PLEKHM3: variants seen among roughly 807,000 people sequenced by gnomAD.
PLEKHM3 encodes pleckstrin homology domain-containing family M member 3.
PLEKHM3 carries 45 observed loss-of-function variants against 81.8 expected under a neutral mutation model. That is an observed-to-expected ratio of 0.55 (90% confidence interval 0.43 to 0.71). PLEKHM3 has a LOEUF of 0.71. Ranked by LOEUF, PLEKHM3 falls within the 30% of genes least tolerant of loss-of-function variation. The pLI is 0.00. For synonymous variants in PLEKHM3, 352 were observed against 356.4 expected (o/e 0.99, Z 0.14); for missense variants, 788 against 924.3 (o/e 0.85, Z 1.91).
At chr2:207,884,905 T>C (rs1339528299) in intron 6 of PLEKHM3, among the ~76,000 whole-genome samples, 3 of 152,174 alleles carry the variant, frequency 2.0e-5, no homozygotes, top group Non-Finnish European at 2.9e-5. Context: ...GAGTGGATCA[T>C]GAAAGACTCC....
At chr2:208,024,223 T>C (rs1693234290) in intron 1 of PLEKHM3, among the ~76,000 whole-genome samples, 1 of 151,370 alleles carries the variant, frequency 6.6e-6, no homozygotes, top group African/African-American at 2.5e-5. Context: ...ACTATTATTA[T>C]TCCCATTCTA....
At chr2:207,909,635 T>C (rs1333198901) in intron 5 of PLEKHM3, among the ~76,000 whole-genome samples, 2 of 152,172 alleles carry the variant, frequency 1.3e-5, no homozygotes, top group African/African-American at 4.8e-5. Flanking sequence ...ATTTTTTGAG[T>C]AGTCTAACAT....
chr2:207,959,173 C>T (rs1185072943), intron 3 of PLEKHM3, among the ~76,000 whole-genome samples: 3 of 152,162 alleles, frequency 2.0e-5, no homozygotes, highest in Non-Finnish European at 2.9e-5. Context: ...GTACCCAAAG[C>T]ACATGCCTCT....
At chr2:207,908,704 T>TCAGAGGGCTTAGGAG in intron 5 of PLEKHM3, 127 bp from the exon 6 acceptor site, 1 of 745,270 alleles carries the variant, frequency 1.3e-6, no homozygotes, top group Non-Finnish European at 2.2e-6. Context: ...ATACTTCTCC[T>TCAGAGGGCTTAGGAG]AAGCCCTCTG....
chr2:207,940,674 G>A (rs1296235155), intron 4 of PLEKHM3, among the ~76,000 whole-genome samples: 3 of 152,278 alleles, frequency 2.0e-5, no homozygotes, highest in East Asian at 1.9e-4. Context: ...CTTAATAAGT[G>A]CAATCCTCAA....
chr2:207,994,447 A>G (rs1324309570), intron 2 of PLEKHM3, among the ~76,000 whole-genome samples: 2 of 152,138 alleles, frequency 1.3e-5, no homozygotes, highest in Admixed American at 1.3e-4. Context: ...AGTGAAGAGC[A>G]TGTCTTTATA....
chr2:207,977,278 C>A lies in PLEKHM3; in HGVS notation c.919G>T (p.Val307Leu). 2 of 1,614,206 alleles carry A rather than the reference C, an allele frequency of 1.2e-6. No homozygotes were observed. Among genetic ancestry groups the A allele is most frequent in the Non-Finnish European group, 8.5e-7 (1 of 1,180,034 alleles). The part of the protein sequence containing the change: ...LDWGQKLWEV[V>L]HAAVPGYMGR... ...ATGTAACCGGGCACAGCAGCATGCA[C>A]TACTTCCCAAAGCTTCTGTCCCCAG... The change falls in exon 3 of 8, where the codon GTG (valine) becomes TTG (leucine). Residue 307 changes from valine (V) to leucine (L), a missense_variant. By Grantham distance (32) the Val-to-Leu change is conservative. Transcript: ENST00000427836.
chr2:207,898,527 G>A (rs1289473343), intron 6 of PLEKHM3, among the ~76,000 whole-genome samples: 1 of 152,190 alleles, frequency 6.6e-6, no homozygotes, highest in Non-Finnish European at 1.5e-5. Flanking sequence ...GCTGAGGCGG[G>A]CAAATCACTT....
chr2:207,943,225 T>A (rs1690002462), intron 4 of PLEKHM3, among the ~76,000 whole-genome samples: 1 of 152,188 alleles, frequency 6.6e-6, no homozygotes, highest in Non-Finnish European at 1.5e-5. Context: ...ATATTTGAGG[T>A]GATGGATATC....
intron 7 of PLEKHM3, among the ~76,000 whole-genome samples, chr2:207,839,433 G>A (rs2092337794): frequency 6.6e-6 from 1 of 152,108 alleles, no homozygotes; most frequent in Admixed American, 6.5e-5. Context: ...TGTAAATTTA[G>A]GAGAAAGGCA....
At chr2:207,953,465 T>C in intron 3 of PLEKHM3, among the ~76,000 whole-genome samples, 1 of 152,160 alleles carries the variant, frequency 6.6e-6, no homozygotes, top group East Asian at 1.9e-4. Flanking sequence ...ATATGAGAAA[T>C]TGTCATTCCT....
At chr2:207,901,166 C>T (rs1574387004) in intron 6 of PLEKHM3, 2 of 680,128 alleles carry the variant, frequency 2.9e-6, no homozygotes, top group East Asian at 2.7e-5. Flanking sequence ...TCACAACACA[C>T]AGTCATCTTT....
chr2:208,018,309 G>A (rs531800151), intron 1 of PLEKHM3, among the ~76,000 whole-genome samples: 2 of 146,110 alleles, frequency 1.4e-5, no homozygotes, highest in East Asian at 4.0e-4. Context: ...GGAGGCGGAA[G>A]TTGCAGTGAG....
chr2:207,961,636 G>A (rs1690738167), intron 3 of PLEKHM3, among the ~76,000 whole-genome samples: 1 of 152,142 alleles, frequency 6.6e-6, no homozygotes, highest in Non-Finnish European at 1.5e-5. Context: ...GGATATCTGG[G>A]TTAGATAGTG....
chr2:207,987,071 T>C (rs952021904), intron 2 of PLEKHM3, among the ~76,000 whole-genome samples: 1 of 152,224 alleles, frequency 6.6e-6, no homozygotes, highest in Non-Finnish European at 1.5e-5. Flanking sequence ...TCTTCACTTA[T>C]GGCCAATACA....
At chr2:207,956,718 ATTTT>A (rs1170073686) in intron 3 of PLEKHM3, among the ~76,000 whole-genome samples, 10 of 69,146 alleles carry the variant, frequency 1.4e-4, no homozygotes, top group Non-Finnish European at 1.7e-4. Context: ...GCTGATTAAA[ATTTT>A]TTTTTTTTTT....
intron 4 of PLEKHM3, among the ~76,000 whole-genome samples, chr2:207,938,765 G>A (rs1268468125): frequency 6.6e-6 from 1 of 152,168 alleles, no homozygotes; most frequent in African/African-American, 2.4e-5. Flanking sequence ...CGGATGAAGC[G>A]AGTGTACCTA....
intron 2 of PLEKHM3, among the ~76,000 whole-genome samples, chr2:207,997,110 T>C (rs1407495152): frequency 1.3e-5 from 2 of 152,164 alleles, no homozygotes. Flanking sequence ...CCTGGCAGTC[T>C]AGGTTTAGAG....
intron 4 of PLEKHM3, 102 bp from the exon 5 acceptor site, chr2:207,931,221 T>C (rs1029283275): frequency 8.8e-7 from 1 of 1,132,824 alleles, no homozygotes; most frequent in Admixed American, 3.0e-5. Flanking sequence ...ACACGATTAT[T>C]TTCTCAATAC....
Sources: gnomAD v4.1 joint callset for allele counts (sites outside exome capture counted in the v4.1 genomes callset) on GRCh38, gnomAD v4.1.1 for gene constraint, MANE v1.5 for transcripts, NCBI Gene and HGNC (gene_info 2026-07-23, HGNC 2026-07-21) for gene names.